The following ARMC8 variants were observed in gnomAD, a reference collection of about 807,000 sequenced individuals.
ARMC8 encodes armadillo repeat containing 8.
In ARMC8, 20 loss-of-function variants were observed where a neutral mutation model predicts 99.3. The observed-to-expected ratio is 0.20, with a 90% CI of 0.14 to 0.29. The LOEUF is 0.29. ARMC8 is among the 10% of genes least tolerant of loss of function. The pLI, the probability that ARMC8 is intolerant of heterozygous loss-of-function variation, is 1.00. For missense variants in ARMC8, 569 were observed against 809.5 expected (o/e 0.70, Z 3.60); for synonymous variants, 263 against 278.3 (o/e 0.95, Z 0.55).
At chr3:138,281,019 C>T (rs1414466620) in intron 18 of ARMC8, among the ~76,000 whole-genome samples, 7 of 152,148 alleles carry the variant, frequency 4.6e-5, no homozygotes, top group South Asian at 2.1e-4. Context: ...GCAACTACTC[C>T]TCTGTGCTGT....
intron 18 of ARMC8, among the ~76,000 whole-genome samples, chr3:138,274,931 C>T (rs2049133104): frequency 6.6e-6 from 1 of 152,218 alleles, no homozygotes; most frequent in African/African-American, 2.4e-5. Context: ...CTGCGACTCG[C>T]TGATAAAATA....
chr3:138,191,528 C>G (rs1220066677), intron 1 of ARMC8, among the ~76,000 whole-genome samples: 1 of 152,108 alleles, frequency 6.6e-6, no homozygotes, highest in African/African-American at 2.4e-5. Flanking sequence ...AAGTATGTAT[C>G]TGTTTCTGTA....
At chr3:138,224,386 A>G (rs185059162) in intron 5 of ARMC8, among the ~76,000 whole-genome samples, 78 of 152,294 alleles carry the variant, frequency 5.1e-4, no homozygotes, top group African/African-American at 1.7e-3. Flanking sequence ...AGGTTATACT[A>G]AGCTATGATG....
At chr3:138,264,616 CACCATA>C (rs2048092263) in intron 14 of ARMC8, among the ~76,000 whole-genome samples, 1 of 151,354 alleles carries the variant, frequency 6.6e-6, no homozygotes. Flanking sequence ...GGCGGGGTTT[CACCATA>C]TTGGTCAGGC....
intron 7 of ARMC8, among the ~76,000 whole-genome samples, chr3:138,236,906 T>G (rs1352080493): frequency 6.6e-6 from 1 of 152,178 alleles, no homozygotes; most frequent in African/African-American, 2.4e-5. Context: ...TATTGTAATA[T>G]TGTTTCCTCT....
In ARMC8 at chr3:138,216,311, A is replaced by G. The variant is rs570991362; in HGVS notation, c.123-5615A>G. On this transcript the variant is annotated intron_variant, in intron 2 of 21. Transcript: ENST00000469044. ...GTAGTTGATATTCAGTAAATGCCCA[A>G]GTTGATTTGAGCTGAATTTTGCTGT... is the stretch of plus-strand genomic sequence containing the variant. Among the ~76,000 whole-genome samples the G allele has an allele frequency of 1.9e-4, 29 of 152,280 alleles. No homozygotes were observed. In the South Asian group the frequency reaches 5.4e-3, roughly 28 times the overall value.
chr3:138,290,773 A>G (rs1427935372), intron 21 of ARMC8, 134 bp downstream of exon 21: 8 of 645,492 alleles, frequency 1.2e-5, no homozygotes, highest in Admixed American at 6.0e-5. Flanking sequence ...ATAATTTTCT[A>G]TGAGCCACTG....
At chr3:138,201,435 C>CTTTTTTTTTTTT (rs2107990537) in intron 1 of ARMC8, among the ~76,000 whole-genome samples, 1 of 95,706 alleles carries the variant, frequency 1.0e-5, no homozygotes, top group Non-Finnish European at 2.2e-5. Flanking sequence ...TCTTCCCCTC[C>CTTTTTTTTTTTT]CTTTTTTTTT....
In ARMC8 at chr3:138,218,508, C is replaced by T. The variant is rs373876556; in HGVS notation, c.123-3418C>T. ...CATTTCCAATATGGTCTTGTATGAACGATTTCTCCTTTTGTCCTCCCATCT... is the reference window on the plus strand; with the variant it reads ...CATTTCCAATATGGTCTTGTATGAATGATTTCTCCTTTTGTCCTCCCATCT... On this transcript the variant is annotated intron_variant, in intron 2 of 21. Coordinates refer to ENST00000469044, the MANE Select transcript of ARMC8 (RefSeq NM_001363941.2). 5.3e-5 allele frequency among the ~76,000 whole-genome samples: 8 copies of T among 152,258 alleles called. No homozygotes were observed. The East Asian group carries it at 1.2e-3, about 22-fold the overall frequency.
intron 1 of ARMC8, among the ~76,000 whole-genome samples, chr3:138,199,666 A>G (rs545934110): frequency 6.6e-6 from 1 of 152,320 alleles, no homozygotes; most frequent in African/African-American, 2.4e-5. Flanking sequence ...TGAGAACACA[A>G]CCAGAACGAA....
chr3:138,188,900 T>G (rs923131951), intron 1 of ARMC8, among the ~76,000 whole-genome samples: 1 of 152,216 alleles, frequency 6.6e-6, no homozygotes, highest in Admixed American at 6.5e-5. Context: ...AAACTGCAAC[T>G]AAGGAAATAC....
chr3:138,284,533 C>G lies in ARMC8; in HGVS notation c.1821+7C>G, dbSNP rs143879950. The G allele has an allele frequency of 8.5e-4, 1,355 of 1,586,296 alleles. No homozygotes were observed. The highest frequency in any genetic ancestry group is 1.1e-3 in the Non-Finnish European group (1,268 of 1,154,950). ...GAAAATCAAGTATTACATGGTGAGC[C>G]CTTGTCCCCTTTCACCGTAGGATTA... On this transcript the variant is annotated splice_region_variant and intron_variant, in intron 19 of 21. Transcript: ENST00000469044.
chr3:138,188,400 G>A (rs867739926), intron 1 of ARMC8: 4 of 1,458,186 alleles, frequency 2.7e-6, no homozygotes, highest in South Asian at 1.4e-5. Context: ...TTTAAAAAAA[G>A]TTTTTTTAAA....
intron 12 of ARMC8, among the ~76,000 whole-genome samples, chr3:138,251,652 A>G (rs989888441): frequency 1.3e-5 from 2 of 152,250 alleles, no homozygotes; most frequent in Non-Finnish European, 2.9e-5. Context: ...AGGTTTTGCC[A>G]CTTGCCCACA....
chr3:138,204,072 T>C (rs921852168), intron 1 of ARMC8, among the ~76,000 whole-genome samples: 2 of 152,244 alleles, frequency 1.3e-5, no homozygotes, highest in Admixed American at 6.5e-5. Flanking sequence ...TTTCCAAAAA[T>C]AGAAGTAATC....
intron 1 of ARMC8, among the ~76,000 whole-genome samples, chr3:138,197,697 T>C (rs149207587): frequency 8.5e-4 from 129 of 152,330 alleles, no homozygotes; most frequent in Non-Finnish European, 1.7e-3. Context: ...TTTCCAGAGA[T>C]AGTTCTTGCT....
chr3:138,223,717 A>T lies in ARMC8; in HGVS notation c.419A>T (p.Glu140Val), dbSNP rs2045528996. The change falls in exon 5 of 22, where the codon GAG becomes GTG. Residue 140 changes from glutamate (E) to valine (V), a missense_variant. Around this residue, in one of 2 missense-constraint regions of ARMC8, gnomAD observed 342 missense variants for 391.6 expected, o/e 0.87. Coordinates refer to ENST00000469044, the MANE Select transcript of ARMC8 (RefSeq NM_001363941.2). The part of the protein sequence containing the change: ...RTIFTSPVTP[E>V]ELLYTDATVI... Reference sequence around the variant, plus strand: ...ATCTTCACCAGTCCTGTCACTCCAGAGGAGCTACTGTATACAGTGAGTTTT... The same window carrying T: ...ATCTTCACCAGTCCTGTCACTCCAGTGGAGCTACTGTATACAGTGAGTTTT... 6.2e-7 allele frequency: 1 copy of T among 1,613,862 alleles called. No homozygotes were observed. The highest frequency in any genetic ancestry group is 8.5e-7 in the Non-Finnish European group (1 of 1,179,872).
At chr3:138,272,880 A>G in intron 16 of ARMC8, 87 bp from the exon 17 acceptor site, 1 of 1,120,956 alleles carries the variant, frequency 8.9e-7, no homozygotes, top group Non-Finnish European at 1.2e-6. Context: ...TCAAAAAAAT[A>G]AAAAAAAATT....
In ARMC8 at chr3:138,232,396, C is replaced by T. The variant is rs376846144; in HGVS notation, c.529-2638C>T. On this transcript the variant is annotated intron_variant, in intron 6 of 21. Coordinates refer to ENST00000469044, the MANE Select transcript of ARMC8 (RefSeq NM_001363941.2). ...AATTTGACGGAAAAAAGTAAGGTAT[C>T]TTGTCAGCACCAGGGAACAATTATA... Among the ~76,000 whole-genome samples the T allele has an allele frequency of 5.9e-5, 9 of 152,282 alleles. No individual in the cohort carries two copies. In the East Asian group the frequency reaches 1.5e-3, roughly 26 times the overall value.
Sources: gnomAD v4.1 joint callset for allele counts (sites outside exome capture counted in the v4.1 genomes callset) on GRCh38, gnomAD v4.1.1 for gene constraint, gnomAD v4.1.1 regional missense constraint, MANE v1.5 for transcripts, NCBI Gene and HGNC (gene_info 2026-07-23, HGNC 2026-07-21) for gene names.